Variants in CSDC2 observed in about 807,000 individuals in gnomAD.
CSDC2 encodes the protein cold shock domain-containing protein C2.
CSDC2 carries 8 observed loss-of-function variants against 15.8 expected under a neutral mutation model. The observed-to-expected ratio is 0.51, with a 90% confidence interval of 0.30 to 0.92. The LOEUF is 0.92. Among genes scored for constraint, CSDC2 ranks in the 40% least tolerant of loss-of-function variants. CSDC2 has a pLI of 0.07. For synonymous variants in CSDC2, 96 were observed against 92.3 expected, an observed-to-expected ratio of 1.04 and a Z score of -0.23; for missense variants, 195 against 213.3, an observed-to-expected ratio of 0.91 and a Z score of 0.53.
chr22:41,575,194 GC>G lies in CSDC2; in HGVS notation c.*302del. 2.2e-6 allele frequency: 1 copy of G among 459,578 alleles called. No individual in the cohort carries two copies. Among genetic ancestry groups the G allele is most frequent in the South Asian group, 2.6e-5 (1 of 38,324 alleles). 28.5% of individuals were successfully genotyped at this position (459,578 alleles called of 1,614,324 possible). A position where few individuals can be genotyped will look rare whatever the true frequency, so the allele number is the denominator to read the frequency against. On this transcript the variant is annotated 3_prime_UTR_variant, in exon 4 of 4. Coordinates refer to ENST00000306149, the MANE Select transcript of CSDC2 (RefSeq NM_014460.4). ...TGCCGCAGACACGCAGGACCCGCTC[GC>G]CCTCCTGCTTACCCGTCCCCACGGT...
At chr22:41,572,273 GGATGTTT>G in intron 2 of CSDC2, 132 bp downstream of exon 2, 1 of 694,314 alleles carries the variant, frequency 1.4e-6, no homozygotes, top group South Asian at 8.0e-5. Flanking sequence ...GTAACTGGAT[GGATGTTT>G]GTCCCATACA....
chr22:41,574,587 G>T, intron 3 of CSDC2, 146 bp from the exon 4 acceptor site: 1 of 897,392 alleles, frequency 1.1e-6, no homozygotes, highest in Non-Finnish European at 1.7e-6. Flanking sequence ...TTACAGATTC[G>T]AGAGCTGAGG....
At chr22:41,572,931 A>G (rs2067155392) in intron 2 of CSDC2, among the ~76,000 whole-genome samples, 1 of 152,186 alleles carries the variant, frequency 6.6e-6, no homozygotes, top group South Asian at 2.1e-4. Context: ...GCTGGAGTGC[A>G]GTGGTGCAGT....
rs1386388632 is a variant in CSDC2 at position 41,570,110 on chromosome 22, A to G, written c.-123-1733A>G. Among the ~76,000 whole-genome samples the G allele has an allele frequency of 2.6e-5, 4 of 152,102 alleles. No homozygotes were observed. In the East Asian group the frequency reaches 7.7e-4, roughly 29 times the overall value. On this transcript the variant is annotated intron_variant, in intron 1 of 3. Transcript: ENST00000306149. ...TGTGGTTGCTTCTTGAAGCTTCCGT[A>G]TTCTTCTCTCTAAAATGAGGATAAT...
At chr22:41,571,656 G>C (rs1030732180) in intron 1 of CSDC2, among the ~76,000 whole-genome samples, 187 bp from the exon 2 acceptor site, 1 of 152,024 alleles carries the variant, frequency 6.6e-6, no homozygotes, top group African/African-American at 2.4e-5. Flanking sequence ...AAACTGGAAG[G>C]ACTTAGGGGT....
At chr22:41,561,401 A>ATGTCTGTGTCTG (rs556364297) in intron 1 of CSDC2, among the ~76,000 whole-genome samples, 3 of 152,182 alleles carry the variant, frequency 2.0e-5, no homozygotes, top group East Asian at 1.9e-4. Flanking sequence ...CCGTGGGAGC[A>ATGTCTGTGTCTG]TGTCTGTGTC....
At chr22:41,567,728 T>C (rs1047818776) in intron 1 of CSDC2, among the ~76,000 whole-genome samples, 3 of 152,244 alleles carry the variant, frequency 2.0e-5, no homozygotes, top group Admixed American at 6.5e-5. Flanking sequence ...TCATACTGAT[T>C]CAAATTCTGG....
intron 1 of CSDC2, among the ~76,000 whole-genome samples, chr22:41,566,705 C>T (rs1268829574): frequency 3.3e-5 from 5 of 150,382 alleles, no homozygotes; most frequent in Non-Finnish European, 7.4e-5. Flanking sequence ...TTTGGGAGGC[C>T]GAGGCGGGCA....
Position 41,564,637 on chromosome 22 carries a change from TTTG to T in CSDC2, c.-124+3460_-124+3462del, listed in dbSNP as rs1394605193. ...CTCTAAGGACAGCTGTTGCCCCACG[TTTG>T]TTGTTCTGGTGCCTGCACTCAGTTT... is the stretch of plus-strand genomic sequence containing the variant. On this transcript the variant is annotated intron_variant, in intron 1 of 3. Transcript: ENST00000306149. 7.9e-5 allele frequency among the ~76,000 whole-genome samples: 12 copies of T among 152,174 alleles called. No homozygotes were observed. The East Asian group carries it at 2.3e-3, about 29-fold the overall frequency.
Position 41,573,719 on chromosome 22 carries a change from G to A in CSDC2, c.241G>A (p.Gly81Ser), listed in dbSNP as rs1240826314. The A allele has an allele frequency of 6.2e-7, 1 of 1,613,734 alleles. No homozygotes were observed. The highest frequency in any genetic ancestry group is 8.5e-7 in the Non-Finnish European group (1 of 1,179,900). ...CTGTAAGCAGTTCTCACGCTCACAG[G>A]GCCATGGCTTCATCACCCCCGAGAA... is the stretch of plus-strand genomic sequence containing the variant. ...GVCKQFSRSQ[G>S]HGFITPENGS... The change falls in exon 3 of 4, where the codon GGC becomes AGC. Residue 81 changes from glycine to serine, a missense_variant. By Grantham distance (56) the Gly-to-Ser change is moderately conservative (BLOSUM62 0). Coordinates refer to ENST00000306149, the MANE Select transcript of CSDC2 (RefSeq NM_014460.4).
In CSDC2 at chr22:41,572,032, C is replaced by A; in HGVS notation, c.67C>A (p.Pro23Thr). The A allele has an allele frequency of 7.3e-7, 1 of 1,361,738 alleles. No individual in the cohort carries two copies. The highest frequency in any genetic ancestry group is 9.5e-7 in the Non-Finnish European group (1 of 1,055,286). 84.4% of individuals were successfully genotyped at this position (1,361,738 alleles called of 1,614,324 possible). A position where few individuals can be genotyped will look rare whatever the true frequency, so the allele number is the denominator to read the frequency against. The stretch of plus-strand genomic sequence containing the variant: ...CCACTCCCCCAAGTCCCCAGTCTGG[C>A]CCACCTTCCCCTTCCACAGGGAGGG... ...PLHSPKSPVW[P>T]TFPFHREGSR... The change falls in exon 2 of 4, where the codon CCC becomes ACC. Residue 23 changes from proline (P) to threonine (T), a missense_variant. Pro to Thr is a conservative substitution (Grantham distance 38). Coordinates refer to ENST00000306149, the MANE Select transcript of CSDC2 (RefSeq NM_014460.4).
intron 1 of CSDC2, among the ~76,000 whole-genome samples, chr22:41,565,579 G>A (rs2067110151): frequency 6.6e-6 from 1 of 151,888 alleles, no homozygotes; most frequent in African/African-American, 2.4e-5. Flanking sequence ...GGGTGACAAA[G>A]TGATACCCTG....
intron 1 of CSDC2, among the ~76,000 whole-genome samples, chr22:41,561,821 C>T (rs2067087142): frequency 1.3e-5 from 2 of 152,192 alleles, no homozygotes; most frequent in Non-Finnish European, 2.9e-5. Context: ...CCACCCTTGC[C>T]AGGGCACAGC....
Position 41,575,075 on chromosome 22 carries a change from C to A in CSDC2, c.*180C>A. 1.3e-6 allele frequency: 1 copy of A among 762,446 alleles called. No homozygotes were observed. Among genetic ancestry groups the A allele is most frequent in the South Asian group, 1.8e-5 (1 of 54,140 alleles). The allele number at this position is 762,446 out of a possible 1,614,324, so 47.2% of individuals were successfully genotyped here. On this transcript the variant is annotated 3_prime_UTR_variant, in exon 4 of 4. Coordinates refer to ENST00000306149, the MANE Select transcript of CSDC2 (RefSeq NM_014460.4). ...CGTGTGCCTCCACCCACCCCACGAC[C>A]CGTGACTACTGTGCAAGCTGGCCAG... is the stretch of plus-strand genomic sequence containing the variant.
rs2067170897 is a variant in CSDC2, at chr22:41,575,540, G to C, written c.*645G>C. 1 of 153,264 alleles carries C rather than the reference G, an allele frequency of 6.5e-6. No individual in the cohort carries two copies. The highest frequency in any genetic ancestry group is 2.4e-5 in the African/African-American group (1 of 41,450). 9.5% of individuals were successfully genotyped at this position (153,264 alleles called of 1,614,324 possible). On this transcript the variant is annotated 3_prime_UTR_variant, in exon 4 of 4. Coordinates refer to ENST00000306149, the MANE Select transcript of CSDC2 (RefSeq NM_014460.4). ...GAAGAGGGGCCTGAGGGCGGAAGGGGTTTGGGGCTCCCATTTCGCCGGCCA... is the reference window on the plus strand; with the variant it reads ...GAAGAGGGGCCTGAGGGCGGAAGGGCTTTGGGGCTCCCATTTCGCCGGCCA...
intron 1 of CSDC2, among the ~76,000 whole-genome samples, chr22:41,561,482 G>T (rs574433803): frequency 2.0e-5 from 3 of 152,206 alleles, no homozygotes; most frequent in Admixed American, 2.0e-4. Flanking sequence ...CTGCCAAGCC[G>T]CAGCCTCCTG....
intron 1 of CSDC2, among the ~76,000 whole-genome samples, chr22:41,563,328 C>T (rs1018368442): frequency 7.2e-5 from 11 of 152,152 alleles, no homozygotes; most frequent in African/African-American, 2.6e-4. Context: ...CCCGGGGGTC[C>T]TGAGTTTGTT....
Position 41,568,316 on chromosome 22 carries a change from C to T in CSDC2, c.-123-3527C>T, listed in dbSNP as rs567069162. ...ATTTTTTTTTTAAGACAGTGTCTAA[C>T]TTTGTCCCCCAGGCTGCACTGCAGA... is the stretch of plus-strand genomic sequence containing the variant. On this transcript the variant is annotated intron_variant, in intron 1 of 3. Transcript: ENST00000306149. Among the ~76,000 whole-genome samples the T allele has an allele frequency of 8.6e-4, 131 of 151,802 alleles. 2 individuals carry two copies. Among genetic ancestry groups the T allele is most frequent in the South Asian group, 3.3e-3 (16 of 4,806 alleles).
At chr22:41,563,440 G>A (rs976984531) in intron 1 of CSDC2, among the ~76,000 whole-genome samples, 10 of 151,996 alleles carry the variant, frequency 6.6e-5, no homozygotes, top group South Asian at 2.1e-4. Context: ...TTAAACCACC[G>A]TACCCATTCC....
Sources: allele counts gnomAD v4.1 joint callset (sites outside exome capture counted in the v4.1 genomes callset), GRCh38; gene constraint gnomAD v4.1.1; transcripts MANE v1.5; gene names NCBI Gene and HGNC (gene_info 2026-07-23, HGNC 2026-07-21).